INSYN2A: variants seen among roughly 807,000 people sequenced by gnomAD.
INSYN2A encodes the protein family with sequence similarity 196 member A.
In INSYN2A, 17 loss-of-function variants were observed where a neutral mutation model predicts 39.4. That is an observed-to-expected ratio of 0.43 (90% CI 0.30 to 0.65). INSYN2A has a LOEUF of 0.65. INSYN2A is among the 30% of genes least tolerant of loss of function. The pLI is 0.14. For synonymous variants in INSYN2A, 255 were observed against 265.7 expected, an observed-to-expected ratio of 0.96 and a Z score of 0.39; for missense variants, 595 against 631.2, an observed-to-expected ratio of 0.94 and a Z score of 0.61.
Position 127,153,908 on chromosome 10 carries a change from C to A in INSYN2A, c.1200G>T (p.Thr400=). The change falls in exon 5 of 6, where the codon ACG becomes ACT. Residue 400 remains threonine, a synonymous_variant. Transcript: ENST00000522781. The part of the protein sequence containing the change: ...EAHREGLSYR[T]GQDTANCDTC... ...TGTCACAATTAGCTGTGTCTTGCCCCGTCCGATATGAAAGCCTACAAGATA... is the reference window on the plus strand; with the variant it reads ...TGTCACAATTAGCTGTGTCTTGCCCAGTCCGATATGAAAGCCTACAAGATA... The A allele has an allele frequency of 6.2e-7, 1 of 1,613,864 alleles. No homozygotes were observed. The highest frequency in any genetic ancestry group is 1.1e-5 in the South Asian group (1 of 91,062).
chr10:127,188,953 G>A (rs1589850661), intron 2 of INSYN2A, among the ~76,000 whole-genome samples: 2 of 152,324 alleles, frequency 1.3e-5, no homozygotes, highest in Admixed American at 6.5e-5. Flanking sequence ...AGCCTGGCCT[G>A]GAGCCTGTTA....
chr10:127,171,329 GA>G (rs1378028159), intron 4 of INSYN2A, among the ~76,000 whole-genome samples: 1 of 152,216 alleles, frequency 6.6e-6, no homozygotes, highest in East Asian at 1.9e-4. Context: ...ACTCAATAGT[GA>G]AAAGAAGTCC....
Position 127,176,500 on chromosome 10 carries a change from C to T in INSYN2A, c.-5-100G>A. On this transcript the variant is annotated intron_variant, in intron 3 of 5. Coordinates refer to ENST00000522781, the MANE Select transcript of INSYN2A (RefSeq NM_001039762.3). This position sits in a 1 kb window ranked among gnomAD's most constrained non-coding sequence, Gnocchi z 4.4. The stretch of plus-strand genomic sequence containing the variant: ...AGCCACCACGACGACTGCCTGTTTC[C>T]TAATTATATTTAAGCAGGTGAGGTC... 1 of 981,084 alleles carries T rather than the reference C, an allele frequency of 1.0e-6. No homozygotes were observed. The highest frequency in any genetic ancestry group is 1.6e-5 in the South Asian group (1 of 61,832). The allele number at this position is 981,084 out of a possible 1,614,324, so 60.8% of individuals were successfully genotyped here.
Position 127,137,868 on chromosome 10 carries a change from T to G in INSYN2A, c.1409A>C (p.Lys470Thr), listed in dbSNP as rs1237133540. ...PKQKSKTESK[K>T]HGRWKLWFL ...GAACCAGAGTTTCCATCTTCCGTGC[T>G]TTTTAGATTCAGTTTTGGATTTTTG... Residue 470 changes from lysine to threonine, a missense_variant, in exon 6 of 6, where the codon AAG becomes ACG. Around this residue, in one of 2 missense-constraint regions of INSYN2A, gnomAD observed 117 missense variants for 163.8 expected, o/e 0.71. Transcript: ENST00000522781. 1 of 1,613,956 alleles carries G rather than the reference T, an allele frequency of 6.2e-7. No individual in the cohort carries two copies. Among genetic ancestry groups the G allele is most frequent in the Non-Finnish European group, 8.5e-7 (1 of 1,179,986 alleles).
chr10:127,145,983 G>T (rs1416692981), intron 5 of INSYN2A: 1 of 515,494 alleles, frequency 1.9e-6, no homozygotes, highest in Non-Finnish European at 3.9e-6. Flanking sequence ...CCTGCCCTGG[G>T]GACCCCGCAC....
At chr10:127,159,822 C>T (rs1432499597) in intron 4 of INSYN2A, among the ~76,000 whole-genome samples, 1 of 152,080 alleles carries the variant, frequency 6.6e-6, no homozygotes, top group Admixed American at 6.5e-5. Flanking sequence ...GGGTGGCTGC[C>T]GGCCTCAGCC....
chr10:127,156,535 T>TTTCTTC lies in INSYN2A; in HGVS notation c.1185-2618_1185-2613dup, dbSNP rs542677102. Among the ~76,000 whole-genome samples, 28 of 94,188 alleles carry TTTCTTC rather than the reference T, an allele frequency of 3.0e-4. No individual in the cohort carries two copies. The Admixed American group carries it at 3.2e-3, about 11-fold the overall frequency. 61.8% of individuals were successfully genotyped at this position (94,188 alleles called of 152,430 possible). On this transcript the variant is annotated intron_variant, in intron 4 of 5. Coordinates refer to ENST00000522781, the MANE Select transcript of INSYN2A (RefSeq NM_001039762.3). The stretch of plus-strand genomic sequence containing the variant: ...CTTTTCTTTACTTTTCTTTTCTCTT[T>TTTCTTC]TTCTTCTTCTTCTTCTTCTTCTTCT...
At position 127,137,552 on chromosome 10, in the gene INSYN2A, G is replaced by A. The variant is rs1395782258; in HGVS notation, c.*285C>T. On this transcript the variant is annotated 3_prime_UTR_variant, in exon 6 of 6. Transcript: ENST00000522781. ...ATAATGTATTACTTGCAGATCGGGG[G>A]TGGGGGAAAATTTTTACTTATCATC... 6.2e-6 allele frequency: 2 copies of A among 320,152 alleles called. No homozygotes were observed. Among genetic ancestry groups the A allele is most frequent in the Non-Finnish European group, 1.1e-5 (2 of 175,558 alleles). 19.8% of individuals were successfully genotyped at this position (320,152 alleles called of 1,614,324 possible).
At chr10:127,159,738 C>A (rs2133636738) in intron 4 of INSYN2A, among the ~76,000 whole-genome samples, 1 of 152,160 alleles carries the variant, frequency 6.6e-6, no homozygotes, top group Admixed American at 6.5e-5. Context: ...TGAAAAGAAA[C>A]AAAGAAGGGC....
intron 4 of INSYN2A, among the ~76,000 whole-genome samples, chr10:127,157,750 A>G (rs2053221870): frequency 6.6e-6 from 1 of 152,154 alleles, no homozygotes; most frequent in South Asian, 2.1e-4. Context: ...TATTTTTAGG[A>G]CTTCATTACC....
intron 2 of INSYN2A, among the ~76,000 whole-genome samples, chr10:127,179,510 T>C (rs2055515071): frequency 6.6e-6 from 1 of 152,220 alleles, no homozygotes; most frequent in Admixed American, 6.5e-5. Flanking sequence ...TTATTTTGGC[T>C]TCAAATGAGG....
chr10:127,135,462 A>G lies in INSYN2A; in HGVS notation c.*2375T>C, dbSNP rs2050608791. On this transcript the variant is annotated 3_prime_UTR_variant, in exon 6 of 6. Transcript: ENST00000522781. ...GATTTTTTTATTTAAAAATTAATAA[A>G]GAACTTAACGACAAGTATAATAATT... 1 of 152,688 alleles carries G rather than the reference A, an allele frequency of 6.5e-6. No individual in the cohort carries two copies. Among genetic ancestry groups the G allele is most frequent in the Non-Finnish European group, 1.5e-5 (1 of 68,048 alleles). 9.5% of individuals were successfully genotyped at this position (152,688 alleles called of 1,614,324 possible).
intron 2 of INSYN2A, among the ~76,000 whole-genome samples, chr10:127,188,506 C>T (rs1392399626): frequency 2.0e-5 from 3 of 152,158 alleles, no homozygotes; most frequent in African/African-American, 4.8e-5. Context: ...ACCAGTCATT[C>T]GTACATTGAC....
At chr10:127,183,924 G>A (rs2055974332) in intron 2 of INSYN2A, among the ~76,000 whole-genome samples, 1 of 152,082 alleles carries the variant, frequency 6.6e-6, no homozygotes, top group African/African-American at 2.4e-5. Context: ...CTCTGTGCAT[G>A]ATAATAAGTA....
intron 2 of INSYN2A, among the ~76,000 whole-genome samples, chr10:127,187,928 C>T (rs1319047803): frequency 6.6e-6 from 1 of 152,132 alleles, no homozygotes; most frequent in African/African-American, 2.4e-5. Context: ...GATAAAGAAC[C>T]ACTGGCCTTC....
At chr10:127,145,929 C>G in intron 5 of INSYN2A, 1 of 497,968 alleles carries the variant, frequency 2.0e-6, no homozygotes, top group Non-Finnish European at 4.0e-6. Context: ...CAGGAGGTCC[C>G]TTCTCAAACA....
chr10:127,163,977 A>C (rs1391941707), intron 4 of INSYN2A, among the ~76,000 whole-genome samples: 1 of 151,752 alleles, frequency 6.6e-6, no homozygotes, highest in Non-Finnish European at 1.5e-5. Context: ...CTGTTAGGGA[A>C]GTTTTAATGC....
chr10:127,165,864 C>T (rs566314489), intron 4 of INSYN2A, among the ~76,000 whole-genome samples: 31 of 152,242 alleles, frequency 2.0e-4, no homozygotes, highest in African/African-American at 6.7e-4. Context: ...TCCCAATACA[C>T]TTTATTTATG....
Position 127,161,144 on chromosome 10 carries a change from T to C in INSYN2A, c.1185-7221A>G, listed in dbSNP as rs575794085. Among the ~76,000 whole-genome samples the C allele has an allele frequency of 3.9e-5, 6 of 152,352 alleles. 1 individual carries two copies. Among genetic ancestry groups the C allele is most frequent in the African/African-American group, 1.4e-4 (6 of 41,580 alleles). Reference sequence around the variant, plus strand: ...AGTTTGCCAGATTATGCCCCGGACATGTACTTATTTTAGATGTCAGCTGTT... The same window carrying C: ...AGTTTGCCAGATTATGCCCCGGACACGTACTTATTTTAGATGTCAGCTGTT... On this transcript the variant is annotated intron_variant, in intron 4 of 5. Transcript: ENST00000522781.
Sources: gnomAD v4.1 joint callset for allele counts (sites outside exome capture counted in the v4.1 genomes callset) on GRCh38, gnomAD v4.1.1 for gene constraint, gnomAD v4.1.1 regional missense constraint, Gnocchi (gnomAD v3.1) non-coding constraint, MANE v1.5 for transcripts, NCBI Gene and HGNC (gene_info 2026-07-23, HGNC 2026-07-21) for gene names.